CUX1: variants seen among roughly 807,000 people sequenced by gnomAD.
CUX1 encodes the protein protein CASP.
In CUX1, 31 loss-of-function variants were observed where a neutral mutation model predicts 158.8. That is an observed-to-expected ratio of 0.20 (90% confidence interval 0.15 to 0.26). The LOEUF (loss-of-function observed/expected upper bound fraction) is 0.26, where lower values mean the gene tolerates loss of function less well. Ranked by LOEUF, CUX1 falls within the 10% of genes least tolerant of loss-of-function variation. CUX1 has a pLI of 1.00. For synonymous variants in CUX1, 879 were observed against 862.1 expected, an observed-to-expected ratio of 1.02 and a Z score of -0.34; for missense variants, 1,589 against 2,014.6, an observed-to-expected ratio of 0.79 and a Z score of 4.04.
chr7:102,128,682 T>A (rs1055970858), intron 8 of CUX1, among the ~76,000 whole-genome samples: 10 of 151,768 alleles, frequency 6.6e-5, no homozygotes, highest in Admixed American at 1.3e-4. Context: ...GACCTTAGTA[T>A]TTTCATAAGT....
At chr7:102,147,834 T>TA (rs1240278932) in intron 8 of CUX1, among the ~76,000 whole-genome samples, 3 of 151,784 alleles carry the variant, frequency 2.0e-5, no homozygotes, top group African/African-American at 4.8e-5. Flanking sequence ...TGATCTCTAC[T>TA]AAAAAAATAG....
Position 102,166,996 on chromosome 7 carries a change from G to A in CUX1, c.724-3450G>A, listed in dbSNP as rs143251144. Among the ~76,000 whole-genome samples the A allele has an allele frequency of 1.5e-3, 235 of 152,228 alleles. 1 individual carries two copies. The highest frequency in any genetic ancestry group is 0.01 in the Middle Eastern group (3 of 294). On this transcript the variant is annotated intron_variant, in intron 9 of 23. Transcript: ENST00000292535. ...GAAATTATGCAATCAGGCCGGGCGC[G>A]GTGGCTCACACCTGTAATCCCAGCA...
intron 8 of CUX1, among the ~76,000 whole-genome samples, chr7:102,134,041 T>TA (rs1332740352): frequency 2.0e-5 from 3 of 152,106 alleles, no homozygotes; most frequent in Non-Finnish European, 4.4e-5. Flanking sequence ...AATCTGGTTT[T>TA]AAAAAAAGAT....
chr7:102,199,247 T>A (rs1423437214), intron 16 of CUX1, among the ~76,000 whole-genome samples: 1 of 152,234 alleles, frequency 6.6e-6, no homozygotes, highest in Non-Finnish European at 1.5e-5. Context: ...CCTCGTATTT[T>A]TAACTCGGAA....
At chr7:101,892,518 G>T (rs191414885) in intron 1 of CUX1, among the ~76,000 whole-genome samples, 1 of 152,084 alleles carries the variant, frequency 6.6e-6, no homozygotes, top group Non-Finnish European at 1.5e-5. Context: ...CGGAGGAAAT[G>T]GTCTCATCAT....
chr7:102,004,945 A>C (rs1024677403), intron 2 of CUX1, among the ~76,000 whole-genome samples: 1 of 152,236 alleles, frequency 6.6e-6, no homozygotes, highest in Non-Finnish European at 1.5e-5. Flanking sequence ...AACCATTTAA[A>C]AGTGTAAAAA....
At chr7:102,004,005 T>G (rs1817031610) in intron 2 of CUX1, among the ~76,000 whole-genome samples, 3 of 152,156 alleles carry the variant, frequency 2.0e-5, no homozygotes, top group East Asian at 1.9e-4. Context: ...CGTATAAATT[T>G]TATAAAGATG....
intron 17 of CUX1, chr7:102,277,852 G>A: frequency 1.5e-6 from 1 of 676,344 alleles, no homozygotes; most frequent in Non-Finnish European, 2.4e-6. Flanking sequence ...TCAAGGAGAA[G>A]GCTGTGGGCA....
chr7:102,217,355 C>G (rs1346891402), intron 20 of CUX1, among the ~76,000 whole-genome samples: 5 of 152,278 alleles, frequency 3.3e-5, no homozygotes, highest in African/African-American at 1.2e-4. Context: ...ACTTTCCACT[C>G]CGAATCCCCG....
intron 2 of CUX1, among the ~76,000 whole-genome samples, chr7:101,976,328 G>A (rs1460383591): frequency 6.6e-6 from 1 of 152,132 alleles, no homozygotes; most frequent in Non-Finnish European, 1.5e-5. Context: ...TAGTGTAAGG[G>A]ATCTGTTTTT....
At chr7:101,876,803 A>T (rs968126162) in intron 1 of CUX1, among the ~76,000 whole-genome samples, 1 of 151,980 alleles carries the variant, frequency 6.6e-6, no homozygotes, top group East Asian at 1.9e-4. Context: ...CCACTATATG[A>T]TTTCTCATAT....
At chr7:101,897,556 T>C (rs1801653261) in intron 1 of CUX1, among the ~76,000 whole-genome samples, 1 of 152,054 alleles carries the variant, frequency 6.6e-6, no homozygotes, top group African/African-American at 2.4e-5. Flanking sequence ...AGAGGTTCTG[T>C]GCTTAGTTAG....
intron 8 of CUX1, among the ~76,000 whole-genome samples, chr7:102,116,690 G>T (rs1831472434): frequency 6.6e-6 from 1 of 152,004 alleles, no homozygotes; most frequent in African/African-American, 2.4e-5. Flanking sequence ...AACATGTCAG[G>T]GGCTGATTGT....
At chr7:102,197,454 G>A in intron 15 of CUX1, 149 bp downstream of exon 15, 1 of 992,910 alleles carries the variant, frequency 1.0e-6, no homozygotes, top group Non-Finnish European at 1.5e-6. Context: ...CACGTCCAGA[G>A]CTCAAGGGTG....
At chr7:102,219,666 T>C (rs1554526227) in intron 20 of CUX1, among the ~76,000 whole-genome samples, 3 of 152,230 alleles carry the variant, frequency 2.0e-5, no homozygotes, top group Non-Finnish European at 4.4e-5. Context: ...TAGGATGTTG[T>C]TGGGCTACTT....
intron 23 of CUX1, among the ~76,000 whole-genome samples, chr7:102,244,871 C>T (rs1444765299): frequency 9.2e-5 from 14 of 152,192 alleles, no homozygotes; most frequent in Admixed American, 9.2e-4. Flanking sequence ...TCCCTAAAAA[C>T]CACAACTGCT....
chr7:101,839,319 C>T (rs912817907), intron 1 of CUX1, among the ~76,000 whole-genome samples: 3 of 152,156 alleles, frequency 2.0e-5, no homozygotes, highest in Admixed American at 6.5e-5. Context: ...CCTCCATGCA[C>T]AGCACTGCTA....
At chr7:102,141,769 C>G (rs1263978776) in intron 8 of CUX1, among the ~76,000 whole-genome samples, 1 of 150,316 alleles carries the variant, frequency 6.7e-6, no homozygotes, top group Non-Finnish European at 1.5e-5. Context: ...ATTACAGGTG[C>G]ACACCACCAC....
intron 2 of CUX1, among the ~76,000 whole-genome samples, chr7:101,925,576 G>A (rs1367558818): frequency 6.6e-6 from 1 of 152,182 alleles, no homozygotes; most frequent in Non-Finnish European, 1.5e-5. Context: ...CCACTGAACT[G>A]TGTACTTTAA....
Sources: gnomAD v4.1 joint callset for allele counts (sites outside exome capture counted in the v4.1 genomes callset) on GRCh38, gnomAD v4.1.1 for gene constraint, MANE v1.5 for transcripts, NCBI Gene and HGNC (gene_info 2026-07-23, HGNC 2026-07-21) for gene names.